The following TM6SF2 variants were observed in gnomAD, a reference collection of about 807,000 sequenced individuals.
The protein encoded by TM6SF2 is transmembrane 6 superfamily member 2.
In TM6SF2, 29 loss-of-function variants were observed where a neutral mutation model predicts 41.0. The ratio of observed to expected loss-of-function variants is 0.71; its 90% CI spans 0.53 to 0.96. The LOEUF (loss-of-function observed/expected upper bound fraction) is 0.96. TM6SF2 is among the 50% of genes least tolerant of loss of function. TM6SF2 has a pLI of 0.00. For missense variants in TM6SF2, 475 were observed against 499.0 expected, an observed-to-expected ratio of 0.95 and a Z score of 0.46; for synonymous variants, 200 against 209.1, an observed-to-expected ratio of 0.96 and a Z score of 0.37.
Position 19,268,735 on chromosome 19 carries a change from G to C in TM6SF2, c.504C>G (p.Ile168Met), listed in dbSNP as rs1340356988. 6.2e-7 allele frequency: 1 copy of C among 1,605,432 alleles called. No homozygotes were observed. Among genetic ancestry groups the C allele is most frequent in the Non-Finnish European group, 8.5e-7 (1 of 1,177,022 alleles). Residue 168 changes from isoleucine (I) to methionine (M), a missense_variant, in exon 6 of 10, where the codon ATC (isoleucine) becomes ATG (methionine). By Grantham distance (10) the Ile-to-Met change is conservative. This residue lies in a region of TM6SF2 where 238 missense variants were observed against 228.6 expected (regional missense o/e 1.04). Coordinates refer to ENST00000389363, the MANE Select transcript of TM6SF2 (RefSeq NM_001001524.3). ...GNILGKYSSEIRPAFFLTIPY... is the reference protein window; with the variant it reads ...GNILGKYSSEMRPAFFLTIPY... ...GGATGGTGAGGAAGAAGGCAGGCCT[G>C]ATCTCGGAGCTGTATTTGCCTTCCA...
At chr19:19,268,150 C>CCT (rs2061010071) in intron 6 of TM6SF2, 63 bp from the exon 7 acceptor site, 3 of 1,156,294 alleles carry the variant, frequency 2.6e-6, no homozygotes, top group Non-Finnish European at 3.8e-6. Flanking sequence ...TCAGTAGGTA[C>CCT]TCAATAAAGG....
Position 19,267,638 on chromosome 19 carries a change from C to A in TM6SF2, c.787G>T (p.Ala263Ser), listed in dbSNP as rs1456028329. Residue 263 changes from alanine (A) to serine (S), a missense_variant, in exon 8 of 10, where the codon GCC (alanine) becomes TCC (serine). This residue lies in a region of TM6SF2 where 190 missense variants were observed against 190.2 expected (regional missense o/e 1.00). Coordinates refer to ENST00000389363, the MANE Select transcript of TM6SF2 (RefSeq NM_001001524.3). ...QYEPYLRDPV[A>S]YPKVQMLMYM... ...CCTCTCACCTGCACCTTAGGGTAGGCCACAGGGTCCCGCAGGTATGGCTCA... is the reference window on the plus strand; with the variant it reads ...CCTCTCACCTGCACCTTAGGGTAGGACACAGGGTCCCGCAGGTATGGCTCA... The A allele has an allele frequency of 3.1e-6, 5 of 1,613,522 alleles. No homozygotes were observed. Among genetic ancestry groups the A allele is most frequent in the Non-Finnish European group, 4.2e-6 (5 of 1,179,810 alleles).
At chr19:19,267,496 G>C in intron 8 of TM6SF2, 125 bp downstream of exon 8, 1 of 640,740 alleles carries the variant, frequency 1.6e-6, no homozygotes, top group South Asian at 2.5e-5. Flanking sequence ...TCCTTTTTTG[G>C]TAGGACAGTA....
chr19:19,264,811 A>G lies in TM6SF2; in HGVS notation c.987T>C (p.Pro329=). 6.2e-7 allele frequency: 1 copy of G among 1,608,076 alleles called. No individual in the cohort carries two copies. Among genetic ancestry groups the G allele is most frequent in the Non-Finnish European group, 8.5e-7 (1 of 1,177,458 alleles). The change falls in exon 10 of 10, where the codon CCT becomes CCC. Residue 329 remains proline, a synonymous_variant. Coordinates refer to ENST00000389363, the MANE Select transcript of TM6SF2 (RefSeq NM_001001524.3). Reference sequence around the variant, plus strand: ...CGAAGAAGCAGCCCCAGGTGTCCTCAGGCACACGGTAGGTGAAGGGTGTGC... The same window carrying G: ...CGAAGAAGCAGCCCCAGGTGTCCTCGGGCACACGGTAGGTGAAGGGTGTGC... The part of the protein sequence containing the change: ...HLRTPFTYRV[P]EDTWGCFFVC...
Position 19,269,691 on chromosome 19 carries a change from A to T in TM6SF2, c.480T>A (p.Ile160=), listed in dbSNP as rs2061015798. 1 of 1,614,132 alleles carries T rather than the reference A, an allele frequency of 6.2e-7. No homozygotes were observed. The highest frequency in any genetic ancestry group is 8.5e-7 in the Non-Finnish European group (1 of 1,180,014). ...TTCCCAAAGCCTTGTCCTTACCAAG[A>T]ATGTTTCCTGTAAGGAACACCAGGA... ...MSILVFLTGN[I]LGKYSSEIRP... The change falls in exon 5 of 10, where the codon ATT becomes ATA. Residue 160 remains isoleucine, a synonymous_variant. Transcript: ENST00000389363.
At chr19:19,270,097 C>T (rs1301032026) in intron 4 of TM6SF2, 76 bp downstream of exon 4, 2 of 1,589,266 alleles carry the variant, frequency 1.3e-6, no homozygotes, top group East Asian at 2.3e-5. Flanking sequence ...TCTGGCTCCA[C>T]CCTGCCCTGG....
intron 3 of TM6SF2, 21 bp from the exon 4 acceptor site, chr19:19,270,297 C>T (rs1182016320): frequency 6.2e-7 from 1 of 1,614,206 alleles, no homozygotes; most frequent in Non-Finnish European, 8.5e-7. Flanking sequence ...AGGTGGGAGA[C>T]TCAGACGGGC....
At chr19:19,269,979 TAAGCAA>T (rs2061017056) in intron 4 of TM6SF2, 188 bp downstream of exon 4, 1 of 1,481,690 alleles carries the variant, frequency 6.7e-7, no homozygotes, top group Non-Finnish European at 9.0e-7. Context: ...AGGGTGGATG[TAAGCAA>T]TGCTAGGCCA....
chr19:19,273,217 G>T lies in TM6SF2; in HGVS notation c.-2C>A. The T allele has an allele frequency of 2.8e-6, 4 of 1,415,862 alleles. No homozygotes were observed. The highest frequency in any genetic ancestry group is 3.7e-6 in the Non-Finnish European group (4 of 1,086,056). 87.7% of individuals were successfully genotyped at this position (1,415,862 alleles called of 1,614,324 possible). ...GCCGGCCAGCGGCGGGATGTCCATAGCGGCGGCTGCTGGACCCCGGCTCAG... is the reference window on the plus strand; with the variant it reads ...GCCGGCCAGCGGCGGGATGTCCATATCGGCGGCTGCTGGACCCCGGCTCAG... On this transcript the variant is annotated 5_prime_UTR_variant, in exon 1 of 10. Transcript: ENST00000389363.
At chr19:19,267,858 G>T in intron 7 of TM6SF2, 128 bp downstream of exon 7, 1 of 1,066,286 alleles carries the variant, frequency 9.4e-7, no homozygotes, top group Non-Finnish European at 1.4e-6. Context: ...CTTTGTCATG[G>T]AACACTCAGG....
intron 5 of TM6SF2, among the ~76,000 whole-genome samples, chr19:19,269,074 C>A (rs1386084723): frequency 1.3e-5 from 2 of 152,014 alleles, no homozygotes; most frequent in East Asian, 1.9e-4. Context: ...AGTTGGAGAC[C>A]AGCCTGAGCA....
At position 19,265,245 on chromosome 19, in the gene TM6SF2, A is replaced by G. The variant is rs150177500; in HGVS notation, c.925-372T>C. Among the ~76,000 whole-genome samples the G allele has an allele frequency of 6.3e-3, 958 of 151,940 alleles. 10 individuals are homozygous for G. The highest frequency in any genetic ancestry group is 0.022 in the African/African-American group (921 of 41,424). On this transcript the variant is annotated intron_variant, in intron 9 of 9. Transcript: ENST00000389363. ...GTATTTTTAGTAGAGATGGGGTATC[A>G]TCATGTTGCCCAGGCTGGTCTCGAA... is the stretch of plus-strand genomic sequence containing the variant.
rs1318378627 is a variant in TM6SF2 at position 19,270,169 on chromosome 19, G to C, written c.401+4C>G. The C allele has an allele frequency of 1.2e-6, 2 of 1,613,802 alleles. No homozygotes were observed. The highest frequency in any genetic ancestry group is 1.7e-6 in the Non-Finnish European group (2 of 1,179,946). Reference sequence around the variant, plus strand: ...AGGGGCCACCCTCTCCCTGCCTCCTGCACCTTCTGCAGATGGCGCCGGCCA... The same window carrying C: ...AGGGGCCACCCTCTCCCTGCCTCCTCCACCTTCTGCAGATGGCGCCGGCCA... On this transcript the variant is annotated splice_donor_region_variant and intron_variant, in intron 4 of 9. Transcript: ENST00000389363.
intron 9 of TM6SF2, among the ~76,000 whole-genome samples, chr19:19,265,985 A>AAGGCTCCTAGCTCTGACT (rs1334036133): frequency 5.9e-5 from 9 of 152,168 alleles, no homozygotes; most frequent in Admixed American, 2.6e-4. Flanking sequence ...AACCCAGAAA[A>AAGGCTCCTAGCTCTGACT]AGGCTCCTAG....
At chr19:19,272,726 T>TGA (rs1037976441) in intron 1 of TM6SF2, among the ~76,000 whole-genome samples, 27 of 146,818 alleles carry the variant, frequency 1.8e-4, no homozygotes, top group African/African-American at 6.4e-4. Context: ...TGTGTGTGTG[T>TGA]GTGAGCAGGA....
Position 19,266,832 on chromosome 19 carries a change from C to G in TM6SF2, c.805-223G>C, listed in dbSNP as rs368449833. 1.5e-5 allele frequency: 7 copies of G among 474,848 alleles called. No individual in the cohort carries two copies. The South Asian group carries it at 1.6e-4, about 11-fold the overall frequency. The allele number at this position is 474,848 out of a possible 1,614,324, so 29.4% of individuals were successfully genotyped here. ...CTAACCTTTCTCTGAAAGTGGCATG[C>G]GACCCTGGCCTAGCCAGTCGGAGCA... On this transcript the variant is annotated intron_variant, in intron 8 of 9. Transcript: ENST00000389363.
chr19:19,270,977 C>A, intron 2 of TM6SF2, 45 bp downstream of exon 2: 5 of 1,554,316 alleles, frequency 3.2e-6, no homozygotes, highest in Non-Finnish European at 4.4e-6. Flanking sequence ...GGGTGGAGGC[C>A]CTTGCCTGGA....
chr19:19,270,985 G>C, intron 2 of TM6SF2, 37 bp downstream of exon 2: 2 of 1,579,266 alleles, frequency 1.3e-6, no homozygotes, highest in Non-Finnish European at 1.7e-6. Flanking sequence ...GCCCTTGCCT[G>C]GACAGTCTTC....
In TM6SF2 at chr19:19,268,698, C is replaced by G. The variant is rs546163061; in HGVS notation, c.541G>C (p.Val181Leu). 6 of 1,598,166 alleles carry G rather than the reference C, an allele frequency of 3.8e-6. No individual in the cohort carries two copies. The South Asian group carries it at 6.8e-5, about 18-fold the overall frequency. The change falls in exon 6 of 10, where the codon GTG becomes CTG. Residue 181 changes from valine (V) to leucine (L), a missense_variant. This residue lies in a region of TM6SF2 where 47 missense variants were observed against 80.3 expected (regional missense o/e 0.59). Transcript: ENST00000389363. ...ACCTTCATGCCAGCCCAGCATGGCA[C>G]CAGCAGGTAGGGGATGGTGAGGAAG... ...AFFLTIPYLLVPCWAGMKVFS... is the reference protein window; with the variant it reads ...AFFLTIPYLLLPCWAGMKVFS...
Sources: allele counts gnomAD v4.1 joint callset (sites outside exome capture counted in the v4.1 genomes callset), GRCh38; gene constraint gnomAD v4.1.1; regional missense constraint gnomAD v4.1.1; transcripts MANE v1.5; gene names NCBI Gene and HGNC (gene_info 2026-07-23, HGNC 2026-07-21).